HS3ST1: variants seen among roughly 807,000 people sequenced by gnomAD.
The protein encoded by HS3ST1 is heparan sulfate glucosamine 3-O-sulfotransferase 1.
In HS3ST1, 8 loss-of-function variants were observed where a neutral mutation model predicts 20.7. The observed-to-expected ratio is 0.39, with a 90% CI of 0.23 to 0.70. HS3ST1 has a LOEUF of 0.70. HS3ST1 is among the 30% of genes least tolerant of loss of function. The pLI, the probability that HS3ST1 is intolerant of heterozygous loss-of-function variation, is 0.46. For missense variants in HS3ST1, 436 were observed against 423.4 expected (o/e 1.03, Z -0.26); for synonymous variants, 205 against 190.4 (o/e 1.08, Z -0.63).
chr4:11,404,410 C>G (rs1005439598), intron 1 of HS3ST1, among the ~76,000 whole-genome samples: 2 of 152,128 alleles, frequency 1.3e-5, no homozygotes, highest in African/African-American at 2.4e-5. Flanking sequence ...CTTCAAAATC[C>G]AAGTGCATAT....
intron 1 of HS3ST1, among the ~76,000 whole-genome samples, chr4:11,417,311 C>T (rs555090513): frequency 6.6e-6 from 1 of 152,272 alleles, no homozygotes; most frequent in African/African-American, 2.4e-5. Context: ...TGGTTTTTCA[C>T]TCCACAATTA....
intron 1 of HS3ST1, among the ~76,000 whole-genome samples, chr4:11,427,740 A>G (rs1171239291): frequency 3.3e-5 from 5 of 152,142 alleles, no homozygotes; most frequent in Non-Finnish European, 7.4e-5. Flanking sequence ...TATAGCGCCT[A>G]TAACTGCAGA....
intron 1 of HS3ST1, among the ~76,000 whole-genome samples, chr4:11,413,340 TCTG>T (rs1027946311): frequency 1.2e-4 from 19 of 152,036 alleles, no homozygotes; most frequent in Non-Finnish European, 2.2e-4. Context: ...CTCTAAGACT[TCTG>T]CTTGCTTAAA....
At chr4:11,417,694 A>G (rs1718822603) in intron 1 of HS3ST1, among the ~76,000 whole-genome samples, 1 of 152,260 alleles carries the variant, frequency 6.6e-6, no homozygotes, top group African/African-American at 2.4e-5. Flanking sequence ...TTCTCAGGTT[A>G]GCAAGAGAGA....
intron 1 of HS3ST1, among the ~76,000 whole-genome samples, chr4:11,427,752 T>C (rs563617009): frequency 6.6e-6 from 1 of 151,472 alleles, no homozygotes; most frequent in South Asian, 2.1e-4. Flanking sequence ...AACTGCAGAG[T>C]TATAGACCTA....
chr4:11,402,406 T>A (rs1718349093), intron 1 of HS3ST1, among the ~76,000 whole-genome samples: 1 of 152,252 alleles, frequency 6.6e-6, no homozygotes, highest in Non-Finnish European at 1.5e-5. Context: ...CAGGCCAATT[T>A]TTTTAGTCAA....
In HS3ST1 at chr4:11,400,000, G is replaced by T. The variant is rs981600076; in HGVS notation, c.6C>A (p.Ala2=). ...GCAGCACCGCGCCCAGGAGCAGCGCGGCCATGCTGGACACCACGGTGGCTT... is the reference window on the plus strand; with the variant it reads ...GCAGCACCGCGCCCAGGAGCAGCGCTGCCATGCTGGACACCACGGTGGCTT... M[A]ALLLGAVLLV... Residue 2 remains alanine, a synonymous_variant, in exon 2 of 2, where the codon GCC becomes GCA. Transcript: ENST00000002596. This position sits in a 1 kb window ranked among gnomAD's most constrained non-coding sequence, Gnocchi z 5.1. 14 of 1,516,708 alleles carry T rather than the reference G, an allele frequency of 9.2e-6. No individual in the cohort carries two copies. The highest frequency in any genetic ancestry group is 2.0e-5 in the Admixed American group (1 of 49,240). 94.0% of individuals were successfully genotyped at this position (1,516,708 alleles called of 1,614,324 possible).
chr4:11,421,946 C>G (rs1367308378), intron 1 of HS3ST1, among the ~76,000 whole-genome samples: 1 of 152,214 alleles, frequency 6.6e-6, no homozygotes, highest in East Asian at 1.9e-4. Context: ...GAGAGCTCCC[C>G]TGCAGTCCTC....
intron 1 of HS3ST1, among the ~76,000 whole-genome samples, chr4:11,425,660 C>T (rs907419945): frequency 1.2e-4 from 18 of 152,164 alleles, no homozygotes; most frequent in Non-Finnish European, 2.1e-4. Flanking sequence ...AATAGATCTA[C>T]GATAAAACTT....
chr4:11,433,803 A>G (rs1343339554), upstream of HS3ST1, among the ~76,000 whole-genome samples: 3 of 152,232 alleles, frequency 2.0e-5, no homozygotes, highest in African/African-American at 4.8e-5. Flanking sequence ...ATGAAATTCA[A>G]TCCCTTACTT....
chr4:11,404,686 A>G (rs1307635126), intron 1 of HS3ST1, among the ~76,000 whole-genome samples: 2 of 152,244 alleles, frequency 1.3e-5, no homozygotes, highest in Non-Finnish European at 2.9e-5. Context: ...CAAACCAGGT[A>G]AAAGTAAACA....
Position 11,399,477 on chromosome 4 carries a change from A to T in HS3ST1, c.529T>A (p.Phe177Ile). The T allele has an allele frequency of 6.2e-7, 1 of 1,613,514 alleles. No individual in the cohort carries two copies. Among genetic ancestry groups the T allele is most frequent in the Non-Finnish European group, 8.5e-7 (1 of 1,179,898 alleles). ...TTGAGCCTGCCATCGCGCACCAGGAACTCCTCGATGGACGGGTAGGGCTTG... is the reference window on the plus strand; with the variant it reads ...TTGAGCCTGCCATCGCGCACCAGGATCTCCTCGATGGACGGGTAGGGCTTG... ...KHKPYPSIEEFLVRDGRLNVD... is the reference protein window; with the variant it reads ...KHKPYPSIEEILVRDGRLNVD... The change falls in exon 2 of 2, where the codon TTC (phenylalanine) becomes ATC (isoleucine). Residue 177 changes from phenylalanine to isoleucine, a missense_variant. Transcript: ENST00000002596. This position sits in a 1 kb window ranked among gnomAD's most constrained non-coding sequence, Gnocchi z 5.1.
Position 11,426,457 on chromosome 4 carries a change from G to A in HS3ST1, c.-109+2242C>T, listed in dbSNP as rs7696706. Among the ~76,000 whole-genome samples the A allele has an allele frequency of 5.9e-5, 9 of 151,948 alleles. No homozygotes were observed. The East Asian group carries it at 7.7e-4, about 13-fold the overall frequency. On this transcript the variant is annotated intron_variant, in intron 1 of 1. Transcript: ENST00000002596. ...CTCCAACTTTTAGGGGGACCCAGGG[G>A]GGGGGCTTGAGGCTTCATTCTAGAC... is the stretch of plus-strand genomic sequence containing the variant.
chr4:11,420,276 A>G lies in HS3ST1; in HGVS notation c.-109+8423T>C, dbSNP rs554484720. Among the ~76,000 whole-genome samples, 16 of 152,368 alleles carry G rather than the reference A, an allele frequency of 1.1e-4. 1 individual carries two copies. The highest frequency in any genetic ancestry group is 8.3e-4 in the South Asian group (4 of 4,832). On this transcript the variant is annotated intron_variant, in intron 1 of 1. Coordinates refer to ENST00000002596, the MANE Select transcript of HS3ST1 (RefSeq NM_005114.4). ...TGTTAATTTAGTTCCCCATCAGTCT[A>G]TCACCTGAAATGGAAATGCAACATT...
chr4:11,426,368 C>CCT (rs1553858483), intron 1 of HS3ST1, among the ~76,000 whole-genome samples: 2 of 151,402 alleles, frequency 1.3e-5, no homozygotes, highest in African/African-American at 4.9e-5. Context: ...CAGAGGCCCC[C>CCT]CCCCCAACCC....
chr4:11,407,375 A>G (rs1262312019), intron 1 of HS3ST1, among the ~76,000 whole-genome samples: 1 of 152,162 alleles, frequency 6.6e-6, no homozygotes, highest in Admixed American at 6.5e-5. Context: ...GCTTCCTTGA[A>G]TCCTCTGCAT....
At chr4:11,400,568 A>G (rs550671199) in intron 1 of HS3ST1, among the ~76,000 whole-genome samples, 161 of 152,316 alleles carry the variant, frequency 1.1e-3, no homozygotes, top group African/African-American at 3.8e-3. Context: ...AACCCTTGCT[A>G]TAAAGGAAAG....
chr4:11,419,661 A>T (rs922954010), intron 1 of HS3ST1, among the ~76,000 whole-genome samples: 2 of 152,192 alleles, frequency 1.3e-5, no homozygotes, highest in African/African-American at 2.4e-5. Context: ...ATAAAATTTT[A>T]AAAAAAGAAA....
intron 1 of HS3ST1, among the ~76,000 whole-genome samples, chr4:11,426,377 C>A (rs914578191): frequency 7.4e-5 from 11 of 147,846 alleles, no homozygotes; most frequent in African/African-American, 2.8e-4. Flanking sequence ...CCCCCCCAAC[C>A]CTCACAAGAT....
Sources: gnomAD v4.1 joint callset for allele counts (sites outside exome capture counted in the v4.1 genomes callset) on GRCh38, gnomAD v4.1.1 for gene constraint, Gnocchi (gnomAD v3.1) non-coding constraint, MANE v1.5 for transcripts, NCBI Gene and HGNC (gene_info 2026-07-23, HGNC 2026-07-21) for gene names.